Variants in ITGB6 observed in about 807,000 individuals in gnomAD.
ITGB6 encodes integrin subunit beta 6, also known as integrin beta-6.
A neutral mutation model predicts 84.5 loss-of-function variants in ITGB6; 80 were observed. The ratio of observed to expected loss-of-function variants is 0.95; its 90% CI spans 0.79 to 1.14. The LOEUF (loss-of-function observed/expected upper bound fraction) is 1.14. Ranked by LOEUF, ITGB6 falls within the 50% of genes most tolerant of loss-of-function variation. The pLI is 0.00. For synonymous variants in ITGB6, 383 were observed against 354.9 expected (o/e 1.08, Z -0.89); for missense variants, 1,006 against 968.0 (o/e 1.04, Z -0.52).
At chr2:160,114,619 C>T (rs912574596) in intron 12 of ITGB6, among the ~76,000 whole-genome samples, 7 of 152,140 alleles carry the variant, frequency 4.6e-5, no homozygotes, top group East Asian at 1.9e-4. Flanking sequence ...TCTGAGGTAC[C>T]GGGTTCATCT....
intron 5 of ITGB6, among the ~76,000 whole-genome samples, chr2:160,173,616 T>C (rs1206926005): frequency 1.3e-5 from 2 of 152,240 alleles, no homozygotes; most frequent in African/African-American, 4.8e-5. Flanking sequence ...TATACTGACG[T>C]AGAGCATTTT....
chr2:160,178,688 C>CTTTTT (rs746675372), intron 4 of ITGB6, among the ~76,000 whole-genome samples: 4 of 103,726 alleles, frequency 3.9e-5, no homozygotes, highest in African/African-American at 6.9e-5. Context: ...CTCTCTCTCT[C>CTTTTT]TTTTTTTTTT....
At chr2:160,150,386 C>A (rs950846862) in intron 7 of ITGB6, among the ~76,000 whole-genome samples, 23 of 152,128 alleles carry the variant, frequency 1.5e-4, no homozygotes, top group African/African-American at 4.3e-4. Flanking sequence ...GAAATAAAAT[C>A]CTTTACAGAC....
chr2:160,110,709 A>G (rs760460753), intron 13 of ITGB6, among the ~76,000 whole-genome samples: 1 of 152,068 alleles, frequency 6.6e-6, no homozygotes, highest in Admixed American at 6.5e-5. Context: ...GACCCTGGGG[A>G]TCAGCCCCTT....
chr2:160,154,880 C>T (rs1283809005), intron 7 of ITGB6, among the ~76,000 whole-genome samples: 1 of 152,132 alleles, frequency 6.6e-6, no homozygotes, highest in Non-Finnish European at 1.5e-5. Flanking sequence ...GGTCTCCGCC[C>T]AAATCTCATG....
At chr2:160,113,188 G>T (rs984268107) in intron 12 of ITGB6, among the ~76,000 whole-genome samples, 8 of 152,150 alleles carry the variant, frequency 5.3e-5, no homozygotes, top group Non-Finnish European at 1.2e-4. Flanking sequence ...TAAAACTGGG[G>T]CTGCCCCTGA....
chr2:160,102,273 A>G (rs1366920859), intron 14 of ITGB6, among the ~76,000 whole-genome samples: 1 of 152,224 alleles, frequency 6.6e-6, no homozygotes, highest in Admixed American at 6.5e-5. Context: ...ACAAAAATGA[A>G]CGACACAGTA....
intron 7 of ITGB6, among the ~76,000 whole-genome samples, chr2:160,160,922 C>T (rs1470867237): frequency 6.6e-6 from 1 of 152,182 alleles, no homozygotes; most frequent in Non-Finnish European, 1.5e-5. Flanking sequence ...AGGGTAATTA[C>T]ACAGCTTTGA....
intron 12 of ITGB6, among the ~76,000 whole-genome samples, chr2:160,113,115 TA>T (rs1682599784): frequency 6.6e-6 from 1 of 152,234 alleles, no homozygotes; most frequent in Non-Finnish European, 1.5e-5. Context: ...GTTTTTCTCC[TA>T]ATCTAAACTT....
At chr2:160,177,497 G>A (rs1685473958) in intron 4 of ITGB6, among the ~76,000 whole-genome samples, 1 of 151,876 alleles carries the variant, frequency 6.6e-6, no homozygotes, top group Non-Finnish European at 1.5e-5. Flanking sequence ...CGTGAACCCG[G>A]GAGGCGGAGC....
Position 160,100,766 on chromosome 2 carries a change from A to T in ITGB6, c.*970T>A, listed in dbSNP as rs954157591. On this transcript the variant is annotated 3_prime_UTR_variant, in exon 15 of 15. Coordinates refer to ENST00000283249, the MANE Select transcript of ITGB6 (RefSeq NM_000888.5). ...AAAGAGTATGTATTAAAAAGCCTTT[A>T]AGACTTGTATACTCTTGATGTGCTT... is the stretch of plus-strand genomic sequence containing the variant. The T allele has an allele frequency of 1.3e-5, 2 of 152,232 alleles. No homozygotes were observed. Among genetic ancestry groups the T allele is most frequent in the African/African-American group, 4.8e-5 (2 of 41,468 alleles). The allele number at this position is 152,232 out of a possible 1,614,324, so 9.4% of individuals were successfully genotyped here.
rs373488084 is a variant in ITGB6 at position 160,174,062 on chromosome 2, T to C, written c.671A>G (p.Asn224Ser). 6 of 1,613,138 alleles carry C rather than the reference T, an allele frequency of 3.7e-6. No individual in the cohort carries two copies. Among genetic ancestry groups the C allele is most frequent in the Non-Finnish European group, 5.1e-6 (6 of 1,179,720 alleles). ...LPLTNDAERF[N>S]EIVKNQKISA... ...AATTTTCTGATTCTTCACAATTTCA[T>C]TGAATCTTTCAGCATCATTTGTCAA... The change falls in exon 5 of 15, where the codon AAT (asparagine) becomes AGT (serine). Residue 224 changes from asparagine (N) to serine (S), a missense_variant. Physicochemically the swap from Asn to Ser is conservative, Grantham distance 46. Coordinates refer to ENST00000283249, the MANE Select transcript of ITGB6 (RefSeq NM_000888.5).
chr2:160,138,977 A>G (rs987312575), intron 8 of ITGB6, among the ~76,000 whole-genome samples: 3 of 152,188 alleles, frequency 2.0e-5, no homozygotes, highest in Non-Finnish European at 2.9e-5. Context: ...CACCACCAAC[A>G]GTAAGATGGA....
chr2:160,169,061 A>G, intron 7 of ITGB6, 151 bp downstream of exon 7: 1 of 537,920 alleles, frequency 1.9e-6, no homozygotes, highest in Non-Finnish European at 3.3e-6. Context: ...TGCAAGCAGT[A>G]AATGAGTCCA....
At chr2:160,143,903 G>A (rs1220581987) in intron 7 of ITGB6, among the ~76,000 whole-genome samples, 1 of 152,160 alleles carries the variant, frequency 6.6e-6, no homozygotes, top group Admixed American at 6.5e-5. Flanking sequence ...CCCTGGGTGA[G>A]TCCAAGCTTT....
At chr2:160,173,845 A>C (rs1420125711) in intron 5 of ITGB6, 129 bp downstream of exon 5, 2 of 817,758 alleles carry the variant, frequency 2.4e-6, no homozygotes, top group Non-Finnish European at 3.7e-6. Context: ...TGTGTATTTT[A>C]AGAAAAATAT....
intron 12 of ITGB6, among the ~76,000 whole-genome samples, chr2:160,118,898 G>A (rs897507622): frequency 3.9e-5 from 6 of 152,108 alleles, no homozygotes; most frequent in Admixed American, 1.3e-4. Flanking sequence ...CAAATCATGA[G>A]TGAACTCCCA....
chr2:160,125,205 T>C (rs1250374587), intron 11 of ITGB6, among the ~76,000 whole-genome samples: 3 of 152,216 alleles, frequency 2.0e-5, no homozygotes, highest in Non-Finnish European at 4.4e-5. Context: ...GCCCATGGCA[T>C]AACATGATTC....
In ITGB6 at chr2:160,142,071, T is replaced by G; in HGVS notation, c.1018A>C (p.Asn340His). 6.3e-7 allele frequency: 1 copy of G among 1,577,792 alleles called. No homozygotes were observed. The highest frequency in any genetic ancestry group is 8.7e-7 in the Non-Finnish European group (1 of 1,154,100). The change falls in exon 8 of 15, where the codon AAT becomes CAT. Residue 340 changes from asparagine to histidine, a missense_variant and splice_region_variant. Coordinates refer to ENST00000283249, the MANE Select transcript of ITGB6 (RefSeq NM_000888.5). ...GCTCCAGGAATAAGTTTTGCGTAAT[T>G]CTGTAAACAGAAAAAGAGTAAGTCA... ...VTQEQVHLYE[N>H]YAKLIPGATV...
Sources: gnomAD v4.1 joint callset for allele counts (sites outside exome capture counted in the v4.1 genomes callset) on GRCh38, gnomAD v4.1.1 for gene constraint, MANE v1.5 for transcripts, NCBI Gene and HGNC (gene_info 2026-07-23, HGNC 2026-07-21) for gene names.